The following NPIPB15 variants were observed in gnomAD, a reference collection of about 807,000 sequenced individuals.
NPIPB15 encodes nuclear pore complex interacting protein family member B15.
In NPIPB15, 5 loss-of-function variants were observed where a neutral mutation model predicts 35.9. That is an observed-to-expected ratio of 0.14 (90% CI 0.07 to 0.29). NPIPB15 has a LOEUF of 0.29. Ranked by LOEUF, NPIPB15 falls within the 10% of genes least tolerant of loss-of-function variation. The probability of loss-of-function intolerance (pLI) is 1.00; values close to 1 mark genes in which losing one functional copy is unlikely to be tolerated. For missense variants in NPIPB15, 100 were observed against 506.1 expected (o/e 0.20, Z 7.70); for synonymous variants, 43 against 182.0 (o/e 0.24, Z 6.15).
chr16:74,382,697 G>C (rs1409680534), intron 3 of NPIPB15, among the ~76,000 whole-genome samples: 37 of 152,240 alleles, frequency 2.4e-4, no homozygotes, highest in Non-Finnish European at 4.6e-4. Context: ...CAAGATAAAA[G>C]TACTAATACC....
In NPIPB15 at chr16:74,377,251, T is replaced by G. The variant is rs1264313557; in HGVS notation, c.-118T>G. Among the ~76,000 whole-genome samples, 1 of 150,060 alleles carries G rather than the reference T, an allele frequency of 6.7e-6. No homozygotes were observed. On this transcript the variant is annotated 5_prime_UTR_variant, in exon 1 of 8. Coordinates refer to ENST00000692376, the MANE Select transcript of NPIPB15 (RefSeq NM_001306094.2). ...GCCATCATTTGTTTTTTATGTTTTG[T>G]CGCCAAAAGTGACCTTGAGGAACCC...
At chr16:74,380,859 A>C (rs1160175107) in intron 2 of NPIPB15, among the ~76,000 whole-genome samples, 8 of 151,930 alleles carry the variant, frequency 5.3e-5, no homozygotes, top group Non-Finnish European at 5.9e-5. Context: ...AAAACAAAAA[A>C]AAATGGCTGG....
chr16:74,382,571 A>C (rs1411315757), intron 3 of NPIPB15, among the ~76,000 whole-genome samples: 2 of 152,266 alleles, frequency 1.3e-5, no homozygotes, highest in Admixed American at 1.3e-4. Flanking sequence ...TTGTGCCATA[A>C]TTTGTCTTTT....
intron 3 of NPIPB15, 168 bp downstream of exon 3, chr16:74,381,866 T>C: frequency 1.2e-6 from 1 of 863,068 alleles, no homozygotes; most frequent in Non-Finnish European, 1.7e-6. Flanking sequence ...CCATTTACAT[T>C]ATGAAAATTA....
intron 5 of NPIPB15, chr16:74,388,470 T>C: frequency 1.1e-6 from 1 of 904,282 alleles, no homozygotes; most frequent in Non-Finnish European, 1.3e-6. Flanking sequence ...GGACTAACTA[T>C]GGAACTATGA....
chr16:74,384,464 G>A (rs2012152412), intron 3 of NPIPB15, among the ~76,000 whole-genome samples: 1 of 105,216 alleles, frequency 9.5e-6, no homozygotes, highest in African/African-American at 3.7e-5. Context: ...TGCCTCCTGG[G>A]TTCAAGCAGT....
chr16:74,376,790 T>C lies in NPIPB15; in HGVS notation c.-579T>C, dbSNP rs2011682924. ...GGGGAGACATTTTATTGCCATGTTA[T>C]GATCTCATCATTGAGTTGAAAGGCA... On this transcript the variant is annotated 5_prime_UTR_variant, in exon 1 of 8. An upstream start codon of the reference 5' UTR is lost. Transcript: ENST00000692376. 6.7e-6 allele frequency among the ~76,000 whole-genome samples: 1 copy of C among 149,804 alleles called. No individual in the cohort carries two copies. Among genetic ancestry groups the C allele is most frequent in the Non-Finnish European group, 1.5e-5 (1 of 67,488 alleles).
intron 5 of NPIPB15, among the ~76,000 whole-genome samples, chr16:74,385,997 T>A (rs1479061349): frequency 2.2e-5 from 3 of 136,470 alleles, no homozygotes; most frequent in Non-Finnish European, 4.7e-5. Flanking sequence ...TTCTCTCTTT[T>A]TTTTTTTTTT....
Position 74,385,582 on chromosome 16 carries a change from G to GA in NPIPB15, c.382dup (p.Arg128LysfsTer9). The GA allele has an allele frequency of 1.7e-6, 1 of 581,786 alleles. No homozygotes were observed. Among genetic ancestry groups the GA allele is most frequent in the Non-Finnish European group, 3.0e-6 (1 of 335,222 alleles). The allele number at this position is 581,786 out of a possible 1,614,324, so 36.0% of individuals were successfully genotyped here. A position where few individuals can be genotyped will look rare whatever the true frequency, so the allele number is the denominator to read the frequency against. ...TGAGGTCCATTTGTATGCACACAAA[G>GA]AAAAGAGTTTCTTCCTTTCGAGGAA... On this transcript the variant is annotated frameshift_variant, in exon 5 of 8. Transcript: ENST00000692376. LOFTEE classifies it high-confidence loss of function.
intron 3 of NPIPB15, among the ~76,000 whole-genome samples, chr16:74,382,819 A>G (rs1429734722): frequency 5.3e-5 from 8 of 150,642 alleles, no homozygotes; most frequent in Non-Finnish European, 1.2e-4. Flanking sequence ...CAGAAAATAT[A>G]TGAGTTATGA....
At chr16:74,382,871 C>T (rs1298200046) in intron 3 of NPIPB15, among the ~76,000 whole-genome samples, 5 of 150,288 alleles carry the variant, frequency 3.3e-5, no homozygotes, top group South Asian at 2.1e-4. Flanking sequence ...CCACTTAGTC[C>T]TGAACAGAGA....
intron 3 of NPIPB15, among the ~76,000 whole-genome samples, chr16:74,384,969 C>G (rs1263985942): frequency 7.6e-6 from 1 of 131,570 alleles, no homozygotes; most frequent in Non-Finnish European, 1.6e-5. Flanking sequence ...GAGTGAGTCA[C>G]CGTGCCAGCC....
rs373349349 is a variant in NPIPB15, at chr16:74,377,014, T to C, written c.-355T>C. Among the ~76,000 whole-genome samples the C allele has an allele frequency of 1.4e-5, 2 of 145,324 alleles. No individual in the cohort carries two copies. Among genetic ancestry groups the C allele is most frequent in the Middle Eastern group, 3.4e-3 (1 of 292 alleles). On this transcript the variant is annotated 5_prime_UTR_variant, in exon 1 of 8. Transcript: ENST00000692376. Reference sequence around the variant, plus strand: ...ACAAAATAAGTCAGGTTAATTTTTGTAAATGTACCATGCATGCTTAAAATG... The same window carrying C: ...ACAAAATAAGTCAGGTTAATTTTTGCAAATGTACCATGCATGCTTAAAATG...
chr16:74,389,051 T>G (rs1481151043), intron 5 of NPIPB15, among the ~76,000 whole-genome samples: 1 of 148,982 alleles, frequency 6.7e-6, no homozygotes, highest in East Asian at 2.0e-4. Flanking sequence ...CTAGACTGTG[T>G]GGAAACTCGG....
intron 5 of NPIPB15, among the ~76,000 whole-genome samples, chr16:74,386,964 C>CA (rs1412761343): frequency 6.7e-6 from 1 of 149,660 alleles, no homozygotes; most frequent in Admixed American, 6.8e-5. Context: ...ATTTTGCTGC[C>CA]ATATGACTGA....
rs374113246 is a variant in NPIPB15, at chr16:74,392,063, G to T, written c.1315G>T (p.Ala439Ser). 1 of 1,158,414 alleles carries T rather than the reference G, an allele frequency of 8.6e-7. No homozygotes were observed. Among genetic ancestry groups the T allele is most frequent in the Admixed American group, 3.0e-5 (1 of 33,532 alleles). 71.8% of individuals were successfully genotyped at this position (1,158,414 alleles called of 1,614,324 possible). Residue 439 changes from alanine to serine, a missense_variant, in exon 8 of 8, where the codon GCT becomes TCT. Ala to Ser is a moderately conservative substitution (Grantham distance 99, BLOSUM62 1). Transcript: ENST00000692376. ...KKIKKQNKTHAPKTN is the reference protein window; with the variant it reads ...KKIKKQNKTHSPKTN Reference sequence around the variant, plus strand: ...AATCAAAAAACAAAACAAAACCCACGCTCCAAAAACAAACTAACGAAGAAT... The same window carrying T: ...AATCAAAAAACAAAACAAAACCCACTCTCCAAAAACAAACTAACGAAGAAT...
At chr16:74,380,426 ATTACT>A (rs1397154202) in intron 2 of NPIPB15, among the ~76,000 whole-genome samples, 2 of 148,810 alleles carry the variant, frequency 1.3e-5, no homozygotes, top group Non-Finnish European at 3.0e-5. Flanking sequence ...AGAAAAGATA[ATTACT>A]TTATACTTAG....
chr16:74,379,419 T>C (rs1242916623), intron 2 of NPIPB15, among the ~76,000 whole-genome samples: 3 of 152,130 alleles, frequency 2.0e-5, no homozygotes, highest in African/African-American at 7.3e-5. Flanking sequence ...CAAGAATATA[T>C]AGTTAAATCC....
chr16:74,389,201 G>T (rs1215294147), intron 5 of NPIPB15, among the ~76,000 whole-genome samples: 1 of 140,616 alleles, frequency 7.1e-6, no homozygotes, highest in Non-Finnish European at 1.5e-5. Flanking sequence ...ACACGGTAAG[G>T]ATATTAATAC....
Sources: allele counts gnomAD v4.1 joint callset (sites outside exome capture counted in the v4.1 genomes callset), GRCh38; gene constraint gnomAD v4.1.1; transcripts MANE v1.5; gene names NCBI Gene and HGNC (gene_info 2026-07-23, HGNC 2026-07-21).